The following ADAM15 variants were observed in gnomAD, a reference collection of about 807,000 sequenced individuals.
ADAM15 encodes the protein disintegrin and metalloproteinase domain-containing protein 15.
Under a neutral mutation model 113.8 loss-of-function variants are expected in ADAM15, and 77 were observed. The ratio of observed to expected loss-of-function variants is 0.68; its 90% CI spans 0.56 to 0.82. The LOEUF is 0.82. Ranked by LOEUF, ADAM15 falls within the 40% of genes least tolerant of loss-of-function variation. The probability of loss-of-function intolerance (pLI) is 0.00; values close to 1 mark genes in which losing one functional copy is unlikely to be tolerated. For synonymous variants in ADAM15, 388 were observed against 454.1 expected, an observed-to-expected ratio of 0.85 and a Z score of 1.85; for missense variants, 963 against 1,120.1, an observed-to-expected ratio of 0.86 and a Z score of 2.00.
rs776240980 is a variant in ADAM15, at chr1:155,054,030, G to A, written c.342+42G>A. The stretch of plus-strand genomic sequence containing the variant: ...TGTGCCATTTTTGGCTTAGGGGAAA[G>A]AGGGAGGGGGTGGCTGGAAGGTGAG... On this transcript the variant is annotated intron_variant, in intron 4 of 22. Transcript: ENST00000356955. 3.7e-6 allele frequency: 6 copies of A among 1,613,490 alleles called. No homozygotes were observed. The Admixed American group carries it at 1.0e-4, about 27-fold the overall frequency.
intron 1 of ADAM15, chr1:155,051,750 A>G: frequency 2.9e-6 from 1 of 341,162 alleles, no homozygotes; most frequent in Non-Finnish European, 5.4e-6. Context: ...GGGCCTGTCC[A>G]GCGCCACTTC....
chr1:155,054,100 A>T (rs1009818086), intron 4 of ADAM15, 50 bp from the exon 5 acceptor site: 1 of 1,613,148 alleles, frequency 6.2e-7, no homozygotes. Flanking sequence ...CCTCAGTTCC[A>T]GTCCTGGTGT....
Position 155,056,232 on chromosome 1 carries a change from C to T in ADAM15, c.897C>T (p.Asp299=). Residue 299 remains aspartate (D), a synonymous_variant, in exon 9 of 23, where the codon GAC becomes GAT. Transcript: ENST00000356955. This position sits in a 1 kb window ranked among gnomAD's most constrained non-coding sequence, Gnocchi z 4.0. The part of the protein sequence containing the change: ...RAHLLPRLPH[D]SAQLVTGTSF... ...ATTTGCTGCCTCGATTGCCCCATGA[C>T]AGTGCCCAGCTGGTGACGTAAGGGC... 1 of 1,613,996 alleles carries T rather than the reference C, an allele frequency of 6.2e-7. No homozygotes were observed. Among genetic ancestry groups the T allele is most frequent in the Non-Finnish European group, 8.5e-7 (1 of 1,180,028 alleles).
In ADAM15 at chr1:155,058,022, C is replaced by A; in HGVS notation, c.1588C>A (p.Gln530Lys). 6.2e-7 allele frequency: 1 copy of A among 1,614,012 alleles called. No homozygotes were observed. The highest frequency in any genetic ancestry group is 8.5e-7 in the Non-Finnish European group (1 of 1,180,040). ...MHGRCASYAQ[Q>K]CQSLWGPGAQ... is the part of the protein sequence containing the mutation. Reference sequence around the variant, plus strand: ...CGGGCGTTGTGCCTCCTATGCCCAGCAGTGCCAGTCACTTTGGGGACCTGG... The same window carrying A: ...CGGGCGTTGTGCCTCCTATGCCCAGAAGTGCCAGTCACTTTGGGGACCTGG... Residue 530 changes from glutamine to lysine, a missense_variant, in exon 14 of 23, where the codon CAG (glutamine) becomes AAG (lysine). By Grantham distance (53) the Gln-to-Lys change is moderately conservative. Transcript: ENST00000356955. This position sits in a 1 kb window ranked among gnomAD's most constrained non-coding sequence, Gnocchi z 4.3.
chr1:155,062,314 T>G lies in ADAM15; in HGVS notation c.2494T>G (p.Ser832Ala). The G allele has an allele frequency of 6.6e-7, 1 of 1,516,348 alleles. No homozygotes were observed. The highest frequency in any genetic ancestry group is 8.9e-7 in the Non-Finnish European group (1 of 1,128,640). The allele number at this position is 1,516,348 out of a possible 1,614,324, so 93.9% of individuals were successfully genotyped here. A position where few individuals can be genotyped will look rare whatever the true frequency, so the allele number is the denominator to read the frequency against. The stretch of plus-strand genomic sequence containing the variant: ...TGCCGACCCCCAGGGCCGGTGCCCA[T>G]CGGGTGACCTGCCCGGCCCAGGGGC... ...LPADPQGRCP[S>A]GDLPGPGAGI... The change falls in exon 22 of 23, where the codon TCG becomes GCG. Residue 832 changes from serine to alanine, a missense_variant. Transcript: ENST00000356955. This position sits in a 1 kb window ranked among gnomAD's most constrained non-coding sequence, Gnocchi z 7.0.
intron 16 of ADAM15, 22 bp from the exon 17 acceptor site, chr1:155,059,880 T>G: frequency 6.2e-7 from 1 of 1,612,622 alleles, no homozygotes; most frequent in Non-Finnish European, 8.5e-7. Flanking sequence ...GAGCTCCTCA[T>G]TGCTCGCCTT....
intron 6 of ADAM15, chr1:155,055,442 G>A (rs1661627594): frequency 3.2e-6 from 1 of 309,554 alleles, no homozygotes; most frequent in South Asian, 3.0e-5. Flanking sequence ...TATCCAGGAT[G>A]GTCTCGATCT....
rs533849459 is a variant in ADAM15 at position 155,056,025 on chromosome 1, C to T, written c.744+25C>T. The T allele has an allele frequency of 6.2e-7, 1 of 1,613,022 alleles. No homozygotes were observed. Among genetic ancestry groups the T allele is most frequent in the East Asian group, 2.2e-5 (1 of 44,886 alleles). ...AGTGAGTGCTGGACAGGGCAACCCCCACCCCAGGCCCCTGACCATGGCAAC... is the reference window on the plus strand; with the variant it reads ...AGTGAGTGCTGGACAGGGCAACCCCTACCCCAGGCCCCTGACCATGGCAAC... On this transcript the variant is annotated intron_variant, in intron 8 of 22. Coordinates refer to ENST00000356955, the MANE Select transcript of ADAM15 (RefSeq NM_207197.3). The surrounding 1 kb of genome is among the most constrained non-coding windows in gnomAD (Gnocchi z 4.0).
At position 155,057,062 on chromosome 1, in the gene ADAM15, C is replaced by T. The variant is rs1006911788; in HGVS notation, c.1109C>T (p.Pro370Leu). 1 of 1,587,170 alleles carries T rather than the reference C, an allele frequency of 6.3e-7. No homozygotes were observed. Among genetic ancestry groups the T allele is most frequent in the Admixed American group, 1.8e-5 (1 of 56,882 alleles). Residue 370 changes from proline to leucine, a missense_variant, in exon 11 of 23, where the codon CCA becomes CTA. Transcript: ENST00000356955. The surrounding 1 kb of genome is among the most constrained non-coding windows in gnomAD (Gnocchi z 5.0). The part of the protein sequence containing the change: ...LPGNSCPCPG[P>L]APAKTCIMEA... ...GGGAATAGCTGCCCCTGTCCAGGTC[C>T]AGCCCCAGCCAAGACCTGCATCATG...
Position 155,058,797 on chromosome 1 carries a change from G to A in ADAM15, c.1995+10G>A. 6.2e-7 allele frequency: 1 copy of A among 1,607,612 alleles called. No individual in the cohort carries two copies. The highest frequency in any genetic ancestry group is 8.5e-7 in the Non-Finnish European group (1 of 1,176,136). On this transcript the variant is annotated intron_variant, in intron 16 of 22. Transcript: ENST00000356955. This position sits in a 1 kb window ranked among gnomAD's most constrained non-coding sequence, Gnocchi z 4.3. ...ATGCCATGGACATGGGGTGAGCTGG[G>A]ATGGGGGAAGTGGAAGGGGAGCAGA... is the stretch of plus-strand genomic sequence containing the variant.
rs368171331 is a variant in ADAM15, at chr1:155,056,101, C to T, written c.766C>T (p.Arg256Ter). 249 of 1,613,544 alleles carry T rather than the reference C, an allele frequency of 1.5e-4. No individual in the cohort carries two copies. The highest frequency in any genetic ancestry group is 2.1e-4 in the Non-Finnish European group (243 of 1,180,040). The part of the protein sequence containing the change: ...LDTFFRPLNV[R>*]VALVGLEAWT... ...TCAGTTCTTCCGGCCCCTGAATGTA[C>T]GAGTGGCACTAGTGGGCCTGGAGGC... Residue 256 changes from arginine to a stop codon, truncating the protein, a stop_gained, in exon 9 of 23, where the codon CGA becomes TGA. Coordinates refer to ENST00000356955, the MANE Select transcript of ADAM15 (RefSeq NM_207197.3). LOFTEE classifies it high-confidence loss of function. The surrounding 1 kb of genome is among the most constrained non-coding windows in gnomAD (Gnocchi z 4.0).
chr1:155,056,086 C>T lies in ADAM15; in HGVS notation c.751C>T (p.Arg251Trp), dbSNP rs200886586. Residue 251 changes from arginine to tryptophan, a missense_variant, in exon 9 of 23, where the codon CGG (arginine) becomes TGG (tryptophan). By Grantham distance (101) the Arg-to-Trp change is moderately radical. Coordinates refer to ENST00000356955, the MANE Select transcript of ADAM15 (RefSeq NM_207197.3). This position sits in a 1 kb window ranked among gnomAD's most constrained non-coding sequence, Gnocchi z 4.0. ...AGCCCCAGCTGTCTTTCAGTTCTTCCGGCCCCTGAATGTACGAGTGGCACT... is the reference window on the plus strand; with the variant it reads ...AGCCCCAGCTGTCTTTCAGTTCTTCTGGCCCCTGAATGTACGAGTGGCACT... ...EVALLLDTFF[R>W]PLNVRVALVG... is the part of the protein sequence containing the mutation. 4.5e-5 allele frequency: 73 copies of T among 1,613,184 alleles called. No individual in the cohort carries two copies. The highest frequency in any genetic ancestry group is 3.1e-4 in the East Asian group (14 of 44,892).
In ADAM15 at chr1:155,062,193, G is replaced by A; in HGVS notation, c.2425-52G>A. 6.9e-7 allele frequency: 1 copy of A among 1,445,886 alleles called. No homozygotes were observed. Among genetic ancestry groups the A allele is most frequent in the South Asian group, 1.5e-5 (1 of 68,240 alleles). The allele number at this position is 1,445,886 out of a possible 1,614,324, so 89.6% of individuals were successfully genotyped here. A position where few individuals can be genotyped will look rare whatever the true frequency, so the allele number is the denominator to read the frequency against. The stretch of plus-strand genomic sequence containing the variant: ...CCCCAGCACCAGTGCGTTGGGGGTG[G>A]GCAACATGACACCCCCCCACCTAAG... On this transcript the variant is annotated intron_variant, in intron 21 of 22. Coordinates refer to ENST00000356955, the MANE Select transcript of ADAM15 (RefSeq NM_207197.3). This position sits in a 1 kb window ranked among gnomAD's most constrained non-coding sequence, Gnocchi z 7.0.
At position 155,053,439 on chromosome 1, in the gene ADAM15, G is replaced by A; in HGVS notation, c.209G>A (p.Arg70Lys). ...VLQTSLPEPL[R>K]IKLELDGDSH... ...CAGACCAGTCTGCCTGAGCCCCTGAGGATCAAGTTGGAGCTGGACGGTGAC... is the reference window on the plus strand; with the variant it reads ...CAGACCAGTCTGCCTGAGCCCCTGAAGATCAAGTTGGAGCTGGACGGTGAC... Residue 70 changes from arginine to lysine, a missense_variant, in exon 3 of 23, where the codon AGG becomes AAG. Transcript: ENST00000356955. 1 of 1,614,132 alleles carries A rather than the reference G, an allele frequency of 6.2e-7. No individual in the cohort carries two copies.
Position 155,051,527 on chromosome 1 carries a change from A to C in ADAM15, c.79+62A>C, listed in dbSNP as rs775635581. ...TGGGAGGGAGGTGCAGGAAAGTCGG[A>C]AGGCATTAGGGTAATGGGGCCGGAC... On this transcript the variant is annotated intron_variant, in intron 1 of 22. Transcript: ENST00000356955. The C allele has an allele frequency of 7.2e-4, 1,045 of 1,442,666 alleles. 1 individual carries two copies. The highest frequency in any genetic ancestry group is 9.0e-4 in the Non-Finnish European group (980 of 1,088,354). The allele number at this position is 1,442,666 out of a possible 1,614,324, so 89.4% of individuals were successfully genotyped here.
At chr1:155,054,927 T>TGCCCGAGGCCCTACA (rs1460788082) in intron 6 of ADAM15, among the ~76,000 whole-genome samples, 1 of 152,168 alleles carries the variant, frequency 6.6e-6, no homozygotes, top group African/African-American at 2.4e-5. Context: ...TTAGGTGGTT[T>TGCCCGAGGCCCTACA]GCCCGAGGCC....
chr1:155,058,002 G>A lies in ADAM15; in HGVS notation c.1568G>A (p.Arg523His), dbSNP rs769603585. The A allele has an allele frequency of 2.8e-5, 45 of 1,613,588 alleles. No individual in the cohort carries two copies. Among genetic ancestry groups the A allele is most frequent in the Admixed American group, 1.0e-4 (6 of 60,014 alleles). ...AGGQAVCMHG[R>H]CASYAQQCQS... ...GGGCAAGCTGTGTGCATGCACGGGC[G>A]TTGTGCCTCCTATGCCCAGCAGTGC... Residue 523 changes from arginine (R) to histidine (H), a missense_variant, in exon 14 of 23, where the codon CGT (arginine) becomes CAT (histidine). Arg to His is a conservative substitution (Grantham distance 29). Transcript: ENST00000356955. This position sits in a 1 kb window ranked among gnomAD's most constrained non-coding sequence, Gnocchi z 4.3.
In ADAM15 at chr1:155,054,302, C is replaced by T; in HGVS notation, c.420-12C>T. ...TGGAGCTGAAATGTTCTCTGACTTT[C>T]TTTTTTCTTAGAGGCTTGGTGGTCC... On this transcript the variant is annotated splice_polypyrimidine_tract_variant and intron_variant, in intron 5 of 22. Transcript: ENST00000356955. 2 of 1,582,288 alleles carry T rather than the reference C, an allele frequency of 1.3e-6. No homozygotes were observed. The highest frequency in any genetic ancestry group is 1.7e-6 in the Non-Finnish European group (2 of 1,165,898).
chr1:155,054,108 T>A, intron 4 of ADAM15, 42 bp from the exon 5 acceptor site: 5 of 1,612,578 alleles, frequency 3.1e-6, no homozygotes, highest in Non-Finnish European at 4.2e-6. Context: ...CCAGTCCTGG[T>A]GTGCTCTCTG....
Sources: gnomAD v4.1 joint callset for allele counts (sites outside exome capture counted in the v4.1 genomes callset) on GRCh38, gnomAD v4.1.1 for gene constraint, Gnocchi (gnomAD v3.1) non-coding constraint, MANE v1.5 for transcripts, NCBI Gene and HGNC (gene_info 2026-07-23, HGNC 2026-07-21) for gene names.